The following LOC128706666 variants were observed in gnomAD, a reference collection of about 807,000 sequenced individuals.
the LOC128706666 span, among the ~76,000 whole-genome samples, chr20:10,423,963 A>G: frequency 2.0e-5 from 3 of 151,538 alleles, no homozygotes; most frequent in South Asian, 2.1e-4. Context: ...CAAATTCTCC[A>G]TATCTCATAT....
Sources: gnomAD v4.1 joint callset for allele counts (sites outside exome capture counted in the v4.1 genomes callset) on GRCh38, gnomAD v4.1.1 for gene constraint, MANE v1.5 for transcripts.